Variants in GRM8 observed in about 807,000 individuals in gnomAD.
The protein encoded by GRM8 is metabotropic glutamate receptor 8.
GRM8 carries 47 observed loss-of-function variants against 87.2 expected under a neutral mutation model. The ratio of observed to expected loss-of-function variants is 0.54; its 90% CI spans 0.43 to 0.69. The LOEUF (loss-of-function observed/expected upper bound fraction) is 0.69, where lower values mean the gene tolerates loss of function less well. Ranked by LOEUF, GRM8 falls within the 30% of genes least tolerant of loss-of-function variation. The pLI is 0.00. For missense variants in GRM8, 1,019 were observed against 1,139.2 expected, an observed-to-expected ratio of 0.89 and a Z score of 1.52; for synonymous variants, 396 against 404.5, an observed-to-expected ratio of 0.98 and a Z score of 0.25.
intron 2 of GRM8, among the ~76,000 whole-genome samples, chr7:127,140,035 T>G (rs1249496258): frequency 3.9e-5 from 6 of 152,158 alleles, no homozygotes; most frequent in Non-Finnish European, 7.3e-5. Flanking sequence ...CTAGGCTATT[T>G]ACTCTCTAGT....
intron 6 of GRM8, among the ~76,000 whole-genome samples, chr7:126,858,335 T>C (rs1218018382): frequency 1.3e-5 from 2 of 152,136 alleles, no homozygotes; most frequent in Admixed American, 1.3e-4. Flanking sequence ...TTAAATTTAC[T>C]CCTATTTCTC....
intron 9 of GRM8, among the ~76,000 whole-genome samples, chr7:126,457,962 A>T (rs906029015): frequency 4.6e-5 from 7 of 151,098 alleles, no homozygotes; most frequent in African/African-American, 7.3e-5. Flanking sequence ...TAAAAAGGGA[A>T]GAAGATGTGA....
intron 7 of GRM8, among the ~76,000 whole-genome samples, chr7:126,706,781 A>G (rs915556588): frequency 6.6e-6 from 1 of 152,212 alleles, no homozygotes; most frequent in African/African-American, 2.4e-5. Context: ...CACAGATAAT[A>G]TAAGATACTG....
chr7:126,726,139 T>C (rs1276321134), intron 7 of GRM8, among the ~76,000 whole-genome samples: 4 of 152,138 alleles, frequency 2.6e-5, no homozygotes, highest in East Asian at 1.9e-4. Context: ...AATTAATACA[T>C]GTTAAACTCT....
At chr7:126,643,149 G>C (rs938564270) in intron 7 of GRM8, among the ~76,000 whole-genome samples, 20 of 151,168 alleles carry the variant, frequency 1.3e-4, no homozygotes, top group African/African-American at 4.9e-4. Context: ...AAATGGCTGG[G>C]CATGGTGAAG....
intron 7 of GRM8, among the ~76,000 whole-genome samples, chr7:126,699,386 C>T (rs1259418838): frequency 6.6e-6 from 1 of 152,114 alleles, no homozygotes; most frequent in Non-Finnish European, 1.5e-5. Context: ...ATCTGCTGGA[C>T]TGATGCAGTA....
chr7:127,076,410 T>C (rs1787488516), intron 3 of GRM8, among the ~76,000 whole-genome samples: 1 of 152,192 alleles, frequency 6.6e-6, no homozygotes, highest in Non-Finnish European at 1.5e-5. Context: ...CAATGAATAG[T>C]TACTAAAAGG....
At chr7:127,115,362 C>A (rs533078386) in intron 2 of GRM8, among the ~76,000 whole-genome samples, 1 of 152,278 alleles carries the variant, frequency 6.6e-6, no homozygotes, top group South Asian at 2.1e-4. Context: ...CATTATATTA[C>A]TCTTTCATAA....
At chr7:126,847,738 G>C (rs534928649) in intron 6 of GRM8, among the ~76,000 whole-genome samples, 2 of 152,298 alleles carry the variant, frequency 1.3e-5, no homozygotes, top group East Asian at 3.9e-4. Flanking sequence ...TCAGAAGTTA[G>C]GCAACTTTGC....
At chr7:126,688,044 A>G (rs1287323734) in intron 7 of GRM8, among the ~76,000 whole-genome samples, 1 of 152,034 alleles carries the variant, frequency 6.6e-6, no homozygotes, top group East Asian at 1.9e-4. Context: ...CAAGCATTTC[A>G]ATCATTATGT....
chr7:126,557,676 C>CT (rs757633908), intron 8 of GRM8, among the ~76,000 whole-genome samples: 15 of 152,080 alleles, frequency 9.9e-5, no homozygotes, highest in Admixed American at 2.6e-4. Context: ...TTAGTAAGAT[C>CT]TTTTTATTCA....
chr7:126,551,972 T>C (rs940458948), intron 8 of GRM8, among the ~76,000 whole-genome samples: 6 of 152,174 alleles, frequency 3.9e-5, no homozygotes, highest in Non-Finnish European at 8.8e-5. Flanking sequence ...CTTTTGAGCA[T>C]CACATAAAAT....
intron 2 of GRM8, among the ~76,000 whole-genome samples, chr7:127,137,951 C>T (rs554337788): frequency 6.6e-6 from 1 of 152,198 alleles, no homozygotes; most frequent in East Asian, 1.9e-4. Context: ...AGCTCCTTTC[C>T]TTTTAAAAAT....
intron 3 of GRM8, among the ~76,000 whole-genome samples, chr7:126,979,294 G>C (rs538670567): frequency 6.6e-6 from 1 of 152,120 alleles, no homozygotes; most frequent in African/African-American, 2.4e-5. Flanking sequence ...GCCTAAGCAA[G>C]CTATAACCAG....
At chr7:127,168,318 G>T (rs1793578122) in intron 2 of GRM8, among the ~76,000 whole-genome samples, 1 of 152,054 alleles carries the variant, frequency 6.6e-6, no homozygotes, top group Non-Finnish European at 1.5e-5. Context: ...ACCATCTCAC[G>T]CTAGGTAGAA....
chr7:126,763,466 TATATATAC>T (rs201145290), intron 7 of GRM8, among the ~76,000 whole-genome samples: 23,298 of 81,548 alleles, frequency 0.29, 2,169 homozygotes, highest in South Asian at 0.41. Flanking sequence ...TATATATATA[TATATATAC>T]ACACACACAC....
chr7:127,067,734 T>C (rs1821271988), intron 3 of GRM8, among the ~76,000 whole-genome samples: 2 of 152,224 alleles, frequency 1.3e-5, no homozygotes, highest in Admixed American at 6.5e-5. Context: ...ACATTTCTTT[T>C]ATAGCAAAAG....
chr7:126,600,667 G>C (rs1797652719), intron 8 of GRM8, among the ~76,000 whole-genome samples: 1 of 152,070 alleles, frequency 6.6e-6, no homozygotes, highest in Non-Finnish European at 1.5e-5. Flanking sequence ...TACTTATTCT[G>C]GGCTTGGCAA....
At chr7:126,822,325 T>C (rs1435820345) in intron 6 of GRM8, among the ~76,000 whole-genome samples, 1 of 152,184 alleles carries the variant, frequency 6.6e-6, no homozygotes, top group African/African-American at 2.4e-5. Flanking sequence ...GACCACATAG[T>C]ATTTTTGACA....
Sources: gnomAD v4.1 joint callset for allele counts (sites outside exome capture counted in the v4.1 genomes callset) on GRCh38, gnomAD v4.1.1 for gene constraint, MANE v1.5 for transcripts, NCBI Gene and HGNC (gene_info 2026-07-23, HGNC 2026-07-21) for gene names.